Variants in MRPL15 observed in about 807,000 individuals in gnomAD.
MRPL15 encodes the protein large ribosomal subunit protein uL15m.
Under a neutral mutation model 28.0 loss-of-function variants are expected in MRPL15, and 24 were observed. That is an observed-to-expected ratio of 0.86 (90% CI 0.62 to 1.21). The LOEUF is 1.21. MRPL15 is among the 50% of genes most tolerant of loss of function. The probability of loss-of-function intolerance (pLI) is 0.00; values close to 1 mark genes in which losing one functional copy is unlikely to be tolerated. For synonymous variants in MRPL15, 124 were observed against 137.0 expected, an observed-to-expected ratio of 0.90 and a Z score of 0.66; for missense variants, 343 against 372.4, an observed-to-expected ratio of 0.92 and a Z score of 0.65.
intron 3 of MRPL15, among the ~76,000 whole-genome samples, chr8:54,139,203 T>TG: frequency 6.6e-6 from 1 of 152,272 alleles, no homozygotes; most frequent in East Asian, 1.9e-4. Context: ...TTCACCGTGT[T>TG]GGTTAGGCTG....
intron 3 of MRPL15, among the ~76,000 whole-genome samples, chr8:54,138,830 T>C (rs1025687113): frequency 1.3e-5 from 2 of 151,986 alleles, no homozygotes; most frequent in Non-Finnish European, 2.9e-5. Flanking sequence ...TTTACTTTCT[T>C]CTTTATTTTT....
chr8:54,135,241 G>T lies in MRPL15; in HGVS notation c.-43G>T. On this transcript the variant is annotated 5_prime_UTR_variant, in exon 1 of 5. Transcript: ENST00000260102. ...CAGCCCCCGAGACCACGTGGCCTCC[G>T]AGCAGCTCAGGGCGCCCTTGAAAGT... The T allele has an allele frequency of 1.6e-6, 2 of 1,247,564 alleles. No homozygotes were observed. The highest frequency in any genetic ancestry group is 6.3e-5 in the South Asian group (2 of 31,776). 77.3% of individuals were successfully genotyped at this position (1,247,564 alleles called of 1,614,324 possible).
chr8:54,147,717 T>G lies in MRPL15; in HGVS notation c.889T>G (p.Ter297GlyextTer17). ...DENLLKYYTS[*>G] ...AAATCTCCTTAAGTATTATACCTCA[T>G]GAATTCCCGTCCAAGGAAGCAGAGT... The change falls in exon 5 of 5, where the codon TGA becomes GGA. Residue 297 changes from the stop codon to glycine (G), a stop_lost. Coordinates refer to ENST00000260102, the MANE Select transcript of MRPL15 (RefSeq NM_014175.4). 6.2e-7 allele frequency: 1 copy of G among 1,601,614 alleles called. No individual in the cohort carries two copies. The highest frequency in any genetic ancestry group is 1.1e-5 in the South Asian group (1 of 89,454).
Position 54,147,798 on chromosome 8 carries a change from C to T in MRPL15, c.*79C>T, listed in dbSNP as rs1811072051. The stretch of plus-strand genomic sequence containing the variant: ...GATCTATATTCCCTTATTGCATTTT[C>T]CTTATGTATAATTTTCCAGATGGTG... On this transcript the variant is annotated 3_prime_UTR_variant, in exon 5 of 5. Transcript: ENST00000260102. 7.9e-7 allele frequency: 1 copy of T among 1,264,346 alleles called. No individual in the cohort carries two copies. Among genetic ancestry groups the T allele is most frequent in the Non-Finnish European group, 1.1e-6 (1 of 921,786 alleles). The allele number at this position is 1,264,346 out of a possible 1,614,324, so 78.3% of individuals were successfully genotyped here.
intron 4 of MRPL15, among the ~76,000 whole-genome samples, chr8:54,143,559 C>G (rs552706422): frequency 6.6e-6 from 1 of 152,334 alleles, no homozygotes; most frequent in African/African-American, 2.4e-5. Flanking sequence ...CCAGTCTGTC[C>G]TAGCCACTGT....
intron 3 of MRPL15, among the ~76,000 whole-genome samples, chr8:54,140,954 T>C (rs1026801685): frequency 5.3e-5 from 8 of 151,932 alleles, no homozygotes; most frequent in African/African-American, 1.9e-4. Context: ...TTAGAGGCTA[T>C]AATAAAGTCA....
intron 2 of MRPL15, 33 bp downstream of exon 2, chr8:54,136,698 CCCAATTT>C (rs1345729647): frequency 2.6e-6 from 4 of 1,555,892 alleles, no homozygotes; most frequent in Non-Finnish European, 2.6e-6. Flanking sequence ...AGTACAGGTC[CCCAATTT>C]CCATTAAAAA....
At chr8:54,143,795 G>A (rs1810971668) in intron 4 of MRPL15, among the ~76,000 whole-genome samples, 1 of 152,122 alleles carries the variant, frequency 6.6e-6, no homozygotes, top group African/African-American at 2.4e-5. Context: ...TGGCCACCGG[G>A]TTTGGCCTTC....
chr8:54,146,446 C>CAA (rs34515810), intron 4 of MRPL15, among the ~76,000 whole-genome samples: 11 of 93,004 alleles, frequency 1.2e-4, no homozygotes, highest in Admixed American at 1.1e-4. Flanking sequence ...GACTTTGTCT[C>CAA]AAAAAAAAAA....
At position 54,137,326 on chromosome 8, in the gene MRPL15, G is replaced by T. The variant is rs149600755; in HGVS notation, c.322G>T (p.Gly108Cys). Reference sequence around the variant, plus strand: ...TAGACTGCAGTATCTTATTGATTTGGGTCGTGTTGATCCTAGTCAACCTAT... The same window carrying T: ...TAGACTGCAGTATCTTATTGATTTGTGTCGTGTTGATCCTAGTCAACCTAT... ...LNRLQYLIDL[G>C]RVDPSQPIDL... The change falls in exon 3 of 5, where the codon GGT becomes TGT. Residue 108 changes from glycine (G) to cysteine (C), a missense_variant. Physicochemically the swap from Gly to Cys is radical, Grantham distance 159. Transcript: ENST00000260102. 6.2e-7 allele frequency: 1 copy of T among 1,613,912 alleles called. No individual in the cohort carries two copies. The highest frequency in any genetic ancestry group is 8.5e-7 in the Non-Finnish European group (1 of 1,180,006).
At position 54,140,423 on chromosome 8, in the gene MRPL15, G is replaced by A. The variant is rs557890511; in HGVS notation, c.430-2240G>A. 3.6e-4 allele frequency among the ~76,000 whole-genome samples: 54 copies of A among 151,558 alleles called. 1 individual carries two copies. The highest frequency in any genetic ancestry group is 2.1e-3 in the Admixed American group (32 of 15,144). On this transcript the variant is annotated intron_variant, in intron 3 of 4. Coordinates refer to ENST00000260102, the MANE Select transcript of MRPL15 (RefSeq NM_014175.4). Reference sequence around the variant, plus strand: ...ATTACAGGCACATGCCACCATGCCCGGCTACATTTTGTATTTTTTAGTAGA... The same window carrying A: ...ATTACAGGCACATGCCACCATGCCCAGCTACATTTTGTATTTTTTAGTAGA...
At chr8:54,138,380 G>A (rs1243306266) in intron 3 of MRPL15, among the ~76,000 whole-genome samples, 7 of 134,940 alleles carry the variant, frequency 5.2e-5, no homozygotes, top group East Asian at 2.4e-4. Flanking sequence ...ACAATGGCGC[G>A]ATCTCAGCTC....
Position 54,147,843 on chromosome 8 carries a change from T to C in MRPL15, c.*124T>C. On this transcript the variant is annotated 3_prime_UTR_variant, in exon 5 of 5. Transcript: ENST00000260102. The stretch of plus-strand genomic sequence containing the variant: ...ATGGTGATGTTACTTTTCAGTGTAC[T>C]CATATGTCTCATTTTCATCTAAAAT... 1.3e-6 allele frequency: 1 copy of C among 788,096 alleles called. No homozygotes were observed. The highest frequency in any genetic ancestry group is 2.0e-6 in the Non-Finnish European group (1 of 512,756). 48.8% of individuals were successfully genotyped at this position (788,096 alleles called of 1,614,324 possible). A position where few individuals can be genotyped will look rare whatever the true frequency, so the allele number is the denominator to read the frequency against.
At chr8:54,146,797 T>TC (rs1811052193) in intron 4 of MRPL15, among the ~76,000 whole-genome samples, 1 of 152,274 alleles carries the variant, frequency 6.6e-6, no homozygotes, top group Admixed American at 6.5e-5. Flanking sequence ...GGCCTTTTTT[T>TC]CACTATCTCA....
chr8:54,146,846 A>C (rs1227602286), intron 4 of MRPL15, among the ~76,000 whole-genome samples: 1 of 152,180 alleles, frequency 6.6e-6, no homozygotes, highest in Non-Finnish European at 1.5e-5. Flanking sequence ...AAAATGTTTG[A>C]AAACAGAACT....
At chr8:54,137,193 G>A (rs982293703) in intron 2 of MRPL15, 75 bp from the exon 3 acceptor site, 3 of 1,434,848 alleles carry the variant, frequency 2.1e-6, no homozygotes, top group Non-Finnish European at 1.9e-6. Context: ...GAAAACACAA[G>A]ACAAAGCTTT....
At chr8:54,145,743 T>C (rs1168346880) in intron 4 of MRPL15, among the ~76,000 whole-genome samples, 2 of 152,230 alleles carry the variant, frequency 1.3e-5, no homozygotes, top group African/African-American at 2.4e-5. Flanking sequence ...GTGCTGGCAT[T>C]AAAAGCATGA....
At chr8:54,144,808 A>T (rs1811016492) in intron 4 of MRPL15, among the ~76,000 whole-genome samples, 1 of 152,038 alleles carries the variant, frequency 6.6e-6, no homozygotes, top group African/African-American at 2.4e-5. Flanking sequence ...TGCCAACATG[A>T]TGATTCCGTT....
Position 54,136,631 on chromosome 8 carries a change from C to T in MRPL15, c.229C>T (p.Arg77Ter), listed in dbSNP as rs747947745. 11 of 1,614,132 alleles carry T rather than the reference C, an allele frequency of 6.8e-6. No homozygotes were observed. The highest frequency in any genetic ancestry group is 2.2e-5 in the East Asian group (1 of 44,890). The change falls in exon 2 of 5, where the codon CGA becomes TGA. Residue 77 changes from arginine (R) to a stop codon, truncating the protein, a stop_gained. Coordinates refer to ENST00000260102, the MANE Select transcript of MRPL15 (RefSeq NM_014175.4). LOFTEE classifies it high-confidence loss of function. The stretch of plus-strand genomic sequence containing the variant: ...GGGAGGCCAGACTCCATTTTACATC[C>T]GAATCCCAAAATACGGGTTTAACGA... ...FEGGQTPFYI[R>*]IPKYGFNEGH...
Sources: gnomAD v4.1 joint callset for allele counts (sites outside exome capture counted in the v4.1 genomes callset) on GRCh38, gnomAD v4.1.1 for gene constraint, MANE v1.5 for transcripts, NCBI Gene and HGNC (gene_info 2026-07-23, HGNC 2026-07-21) for gene names.